The following PAX5 variants were observed in gnomAD, a reference collection of about 807,000 sequenced individuals.
The protein encoded by PAX5 is paired box protein Pax-5.
PAX5 carries 9 observed loss-of-function variants against 43.7 expected under a neutral mutation model. The observed-to-expected ratio is 0.21, with a 90% CI of 0.12 to 0.36. PAX5 has a LOEUF of 0.36. PAX5 is among the 10% of genes least tolerant of loss of function. PAX5 has a pLI of 1.00. For missense variants in PAX5, 383 were observed against 532.7 expected, an observed-to-expected ratio of 0.72 and a Z score of 2.77; for synonymous variants, 228 against 214.3, an observed-to-expected ratio of 1.06 and a Z score of -0.56.
intron 6 of PAX5, 103 bp downstream of exon 6, chr9:36,966,446 G>T: frequency 1.6e-6 from 2 of 1,244,808 alleles, no homozygotes; most frequent in Admixed American, 4.3e-5. Flanking sequence ...AGCAGAACCT[G>T]GTGTGCCCTC....
At chr9:36,985,481 T>C (rs1836314421) in intron 5 of PAX5, among the ~76,000 whole-genome samples, 1 of 152,158 alleles carries the variant, frequency 6.6e-6, no homozygotes, top group South Asian at 2.1e-4. Flanking sequence ...CACTACTACT[T>C]CCACGTGTGT....
At chr9:36,952,169 T>C (rs1434483503) in intron 6 of PAX5, among the ~76,000 whole-genome samples, 4 of 151,754 alleles carry the variant, frequency 2.6e-5, no homozygotes, top group Admixed American at 2.6e-4. Flanking sequence ...TTGTATTTCA[T>C]ATCCTTCTTG....
chr9:37,026,050 C>T (rs2132533585), intron 1 of PAX5, among the ~76,000 whole-genome samples: 1 of 152,352 alleles, frequency 6.6e-6, no homozygotes, highest in African/African-American at 2.4e-5. Context: ...TCGCTTAGCT[C>T]TCAACCTCTT....
chr9:37,012,883 C>T (rs867489962), intron 3 of PAX5, among the ~76,000 whole-genome samples: 1 of 151,996 alleles, frequency 6.6e-6, no homozygotes, highest in South Asian at 2.1e-4. Flanking sequence ...GGATGTAAAC[C>T]GATGCTCTGT....
chr9:36,940,903 A>C (rs7043783), intron 6 of PAX5, among the ~76,000 whole-genome samples: 126,860 of 152,038 alleles, frequency 0.83, 53,314 homozygotes, highest in East Asian at 0.91. Context: ...GGAGAAGATT[A>C]CGGGTCCAGG....
At chr9:36,978,810 G>A (rs941169603) in intron 5 of PAX5, among the ~76,000 whole-genome samples, 1 of 152,158 alleles carries the variant, frequency 6.6e-6, no homozygotes, top group African/African-American at 2.4e-5. Flanking sequence ...AGGCCATTTC[G>A]ATGGGGCTGA....
At chr9:36,902,377 C>T (rs1828479432) in intron 7 of PAX5, among the ~76,000 whole-genome samples, 2 of 152,202 alleles carry the variant, frequency 1.3e-5, no homozygotes, top group African/African-American at 4.8e-5. Flanking sequence ...ATCCTTAATA[C>T]ACTGGAGAGA....
At chr9:36,915,500 G>C (rs58925988) in intron 7 of PAX5, among the ~76,000 whole-genome samples, 2,505 of 152,192 alleles carry the variant, frequency 0.016, 73 homozygotes, top group African/African-American at 0.058. Context: ...CCAATGAAAA[G>C]ATGTTCAGGT....
At chr9:36,997,689 C>G (rs1397778731) in intron 5 of PAX5, among the ~76,000 whole-genome samples, 1 of 152,234 alleles carries the variant, frequency 6.6e-6, no homozygotes, top group African/African-American at 2.4e-5. Flanking sequence ...TCAAACCAAC[C>G]AAGAGACAAA....
chr9:36,964,214 G>A (rs1157399731), intron 6 of PAX5, among the ~76,000 whole-genome samples: 1 of 151,880 alleles, frequency 6.6e-6, no homozygotes, highest in East Asian at 1.9e-4. Flanking sequence ...CCGGGAGGTG[G>A]AGCTTGCAGT....
At chr9:36,976,009 C>T (rs532475491) in intron 5 of PAX5, among the ~76,000 whole-genome samples, 1 of 152,286 alleles carries the variant, frequency 6.6e-6, no homozygotes, top group East Asian at 1.9e-4. Flanking sequence ...GAATTCAGCA[C>T]TAGGACAGTC....
intron 1 of PAX5, among the ~76,000 whole-genome samples, chr9:37,032,476 A>G (rs1164392854): frequency 6.6e-6 from 1 of 152,202 alleles, no homozygotes; most frequent in Non-Finnish European, 1.5e-5. Flanking sequence ...AGGAGTTTCC[A>G]GGTAACTTTT....
chr9:36,948,431 G>A (rs78011662), intron 6 of PAX5, among the ~76,000 whole-genome samples: 2,751 of 152,232 alleles, frequency 0.018, 72 homozygotes, highest in African/African-American at 0.063. Context: ...CTGGGAGACC[G>A]GAGAACTCGT....
chr9:37,032,100 G>A (rs1163420928), intron 1 of PAX5, among the ~76,000 whole-genome samples: 1 of 152,188 alleles, frequency 6.6e-6, no homozygotes, highest in South Asian at 2.1e-4. Flanking sequence ...CATCAGTGAG[G>A]AGGGGGCGTG....
intron 1 of PAX5, among the ~76,000 whole-genome samples, chr9:37,033,449 G>C (rs1841193292): frequency 1.3e-5 from 2 of 152,208 alleles, no homozygotes; most frequent in Non-Finnish European, 2.9e-5. Context: ...TATAACAGGT[G>C]AATGCAGACC....
At chr9:36,940,746 C>T (rs1831982420) in intron 6 of PAX5, among the ~76,000 whole-genome samples, 1 of 152,072 alleles carries the variant, frequency 6.6e-6, no homozygotes, top group Non-Finnish European at 1.5e-5. Context: ...GCATCAGGGT[C>T]AGAAATCATC....
chr9:36,994,503 G>A (rs1282083980), intron 5 of PAX5, among the ~76,000 whole-genome samples: 2 of 151,982 alleles, frequency 1.3e-5, no homozygotes, highest in African/African-American at 2.4e-5. Flanking sequence ...ACACATACAC[G>A]CACGCACACT....
intron 2 of PAX5, 39 bp downstream of exon 2, chr9:37,020,597 T>C (rs752782854): frequency 2.5e-6 from 4 of 1,603,740 alleles, no homozygotes; most frequent in Non-Finnish European, 3.4e-6. Flanking sequence ...TAGGTCTTTA[T>C]TTGAAAGATC....
chr9:36,955,299 G>A (rs1833354140), intron 6 of PAX5, among the ~76,000 whole-genome samples: 1 of 152,038 alleles, frequency 6.6e-6, no homozygotes. Context: ...TTATTCTGTA[G>A]GCATGTTGTA....
Sources: allele counts gnomAD v4.1 joint callset (sites outside exome capture counted in the v4.1 genomes callset), GRCh38; gene constraint gnomAD v4.1.1; transcripts MANE v1.5; gene names NCBI Gene and HGNC (gene_info 2026-07-23, HGNC 2026-07-21).